Variants in SETX observed in about 807,000 individuals in gnomAD.
SETX encodes helicase senataxin.
SETX carries 90 observed loss-of-function variants against 227.2 expected under a neutral mutation model. That is an observed-to-expected ratio of 0.40 (90% confidence interval 0.33 to 0.47). SETX has a LOEUF of 0.47. SETX is among the 20% of genes least tolerant of loss of function. The pLI is 0.91. For missense variants in SETX, 3,052 were observed against 3,181.5 expected, an observed-to-expected ratio of 0.96 and a Z score of 0.98; for synonymous variants, 1,210 against 1,113.2, an observed-to-expected ratio of 1.09 and a Z score of -1.73.
At chr9:132,265,725 C>T (rs938313127) in intron 25 of SETX, among the ~76,000 whole-genome samples, 3 of 152,146 alleles carry the variant, frequency 2.0e-5, no homozygotes, top group African/African-American at 4.8e-5. Flanking sequence ...AAAACATTTC[C>T]GTTATCACAG....
chr9:132,296,116 C>A, intron 14 of SETX, 88 bp from the exon 15 acceptor site: 1 of 1,485,368 alleles, frequency 6.7e-7, no homozygotes. Context: ...GTCTTTACTT[C>A]CATGTATTTT....
intron 10 of SETX, among the ~76,000 whole-genome samples, chr9:132,314,226 G>A (rs923511583): frequency 6.6e-6 from 1 of 152,098 alleles, no homozygotes; most frequent in Non-Finnish European, 1.5e-5. Flanking sequence ...CCAAGTAGCT[G>A]GGATTACAGG....
chr9:132,335,262 G>A (rs1358915416), intron 6 of SETX, among the ~76,000 whole-genome samples: 1 of 151,416 alleles, frequency 6.6e-6, no homozygotes, highest in African/African-American at 2.4e-5. Context: ...GTGGTGGCAG[G>A]CGCCTGTGGT....
chr9:132,287,170 T>C (rs957670765), intron 17 of SETX, among the ~76,000 whole-genome samples: 2 of 152,198 alleles, frequency 1.3e-5, no homozygotes, highest in Non-Finnish European at 2.9e-5. Context: ...ATAGCTTTAA[T>C]ATAAGGCAGT....
intron 22 of SETX, among the ~76,000 whole-genome samples, chr9:132,276,654 C>G (rs984907573): frequency 1.1e-4 from 16 of 152,200 alleles, no homozygotes; most frequent in African/African-American, 3.9e-4. Context: ...ATTCACAACC[C>G]AATACCATCC....
chr9:132,278,047 C>CACAAACAATAAGGGGA, intron 21 of SETX, 23 bp downstream of exon 21: 2 of 1,603,496 alleles, frequency 1.2e-6, no homozygotes, highest in Non-Finnish European at 1.7e-6. Context: ...AAAATAAGGT[C>CACAAACAATAAGGGGA]ACAAACAATA....
chr9:132,356,614 T>G (rs773556575), upstream of SETX, among the ~76,000 whole-genome samples: 1 of 151,982 alleles, frequency 6.6e-6, no homozygotes, highest in African/African-American at 2.4e-5. Context: ...ACTCAGGCGA[T>G]AAAAAAAGAG....
In SETX at chr9:132,283,325, AG is replaced by A. The variant is rs1843648761; in HGVS notation, c.6484del (p.Leu2162TyrfsTer43). 1 of 1,614,100 alleles carries A rather than the reference AG, an allele frequency of 6.2e-7. No individual in the cohort carries two copies. Among genetic ancestry groups the A allele is most frequent in the African/African-American group, 1.3e-5 (1 of 74,956 alleles). Reference protein sequence around the residue: ...CCTLSTSGGLLLESAFRGQGG... With the variant: ...CCTLSTSGGLXLESAFRGQGG... ...TTGCCCACGGAAAGCAGACTCAAGT[AG>A]TAAACCACCACTTGTGCTCAACGTG... is the stretch of plus-strand genomic sequence containing the variant. On this transcript the variant is annotated frameshift_variant, in exon 19 of 26. Coordinates refer to ENST00000224140, the MANE Select transcript of SETX (RefSeq NM_015046.7). LOFTEE classifies it high-confidence loss of function.
At chr9:132,320,152 CTCATT>C (rs1400248134) in intron 10 of SETX, among the ~76,000 whole-genome samples, 2 of 152,172 alleles carry the variant, frequency 1.3e-5, no homozygotes, top group African/African-American at 2.4e-5. Context: ...TGAATCTGTT[CTCATT>C]TGTCTTTCGT....
chr9:132,299,288 T>C (rs946010440), intron 12 of SETX, among the ~76,000 whole-genome samples: 1 of 152,192 alleles, frequency 6.6e-6, no homozygotes. Context: ...ACTTTTGGAC[T>C]AGTGGATTTG....
intron 25 of SETX, among the ~76,000 whole-genome samples, chr9:132,268,433 G>A (rs539581317): frequency 3.3e-5 from 5 of 152,304 alleles, no homozygotes; most frequent in African/African-American, 9.6e-5. Context: ...TCCAGGAGGC[G>A]GAGGCTGCAG....
chr9:132,299,064 G>T (rs7848577), intron 12 of SETX, among the ~76,000 whole-genome samples: 38,081 of 152,108 alleles, frequency 0.25, 6,068 homozygotes, highest in East Asian at 0.67. Flanking sequence ...TGGACCAGGA[G>T]GCACTAGTAG....
chr9:132,285,807 G>A (rs1843832838), intron 18 of SETX, among the ~76,000 whole-genome samples: 1 of 150,504 alleles, frequency 6.6e-6, no homozygotes. Context: ...TTGAACCTGG[G>A]AGGCAGAGGT....
intron 20 of SETX, among the ~76,000 whole-genome samples, chr9:132,279,814 G>T (rs183265205): frequency 6.6e-6 from 1 of 152,024 alleles, no homozygotes; most frequent in African/African-American, 2.4e-5. Flanking sequence ...AAATGACATA[G>T]ATTTATTAAT....
At position 132,277,057 on chromosome 9, in the gene SETX, T is replaced by G. The variant is rs772142149; in HGVS notation, c.6935+3A>C. On this transcript the variant is annotated splice_donor_region_variant and intron_variant, in intron 22 of 25. Transcript: ENST00000224140. Reference sequence around the variant, plus strand: ...AGAGGACTGAGGCAAGAGGAAAACATACTCATTATCCCGTCTTTCTGAACC... The same window carrying G: ...AGAGGACTGAGGCAAGAGGAAAACAGACTCATTATCCCGTCTTTCTGAACC... 6.2e-7 allele frequency: 1 copy of G among 1,612,278 alleles called. No homozygotes were observed. Among genetic ancestry groups the G allele is most frequent in the Non-Finnish European group, 8.5e-7 (1 of 1,178,510 alleles).
chr9:132,334,506 C>T (rs1245146012), intron 7 of SETX, 102 bp downstream of exon 7: 3 of 1,357,488 alleles, frequency 2.2e-6, no homozygotes, highest in African/African-American at 2.9e-5. Context: ...CAGAAAAATT[C>T]TTTTCTCCAC....
intron 15 of SETX, among the ~76,000 whole-genome samples, chr9:132,295,541 C>T (rs569363243): frequency 1.3e-4 from 20 of 152,320 alleles, no homozygotes; most frequent in African/African-American, 4.6e-4. Flanking sequence ...CTTCTCTAAC[C>T]CTCACACAAC....
intron 10 of SETX, among the ~76,000 whole-genome samples, chr9:132,322,099 T>A (rs890258360): frequency 6.6e-6 from 1 of 152,114 alleles, no homozygotes; most frequent in Non-Finnish European, 1.5e-5. Context: ...CCTTCCAGAG[T>A]GCAACCATAA....
At chr9:132,314,416 C>T (rs1351422304) in intron 10 of SETX, among the ~76,000 whole-genome samples, 1 of 151,670 alleles carries the variant, frequency 6.6e-6, no homozygotes, top group African/African-American at 2.4e-5. Flanking sequence ...GTAGAGACAG[C>T]GTTTCACCAT....
Sources: gnomAD v4.1 joint callset for allele counts (sites outside exome capture counted in the v4.1 genomes callset) on GRCh38, gnomAD v4.1.1 for gene constraint, MANE v1.5 for transcripts, NCBI Gene and HGNC (gene_info 2026-07-23, HGNC 2026-07-21) for gene names.